The following DGLUCY variants were observed in gnomAD, a reference collection of about 807,000 sequenced individuals.
DGLUCY encodes D-glutamate cyclase, mitochondrial.
DGLUCY carries 58 observed loss-of-function variants against 58.5 expected under a neutral mutation model. The ratio of observed to expected loss-of-function variants is 0.99; its 90% CI spans 0.80 to 1.23. The LOEUF (loss-of-function observed/expected upper bound fraction) is 1.23. DGLUCY is among the 50% of genes most tolerant of loss of function. The pLI, the probability that DGLUCY is intolerant of heterozygous loss-of-function variation, is 0.00. For synonymous variants in DGLUCY, 325 were observed against 314.1 expected, an observed-to-expected ratio of 1.03 and a Z score of -0.37; for missense variants, 779 against 784.7, an observed-to-expected ratio of 0.99 and a Z score of 0.09.
intron 1 of DGLUCY, among the ~76,000 whole-genome samples, chr14:91,136,697 G>A (rs778366784): frequency 1.9e-4 from 29 of 149,250 alleles, no homozygotes; most frequent in Non-Finnish European, 3.7e-4. Context: ...AAAAAGGCAC[G>A]GTGGCTCGCG....
At chr14:91,070,912 A>C (rs1009646325) in intron 1 of DGLUCY, among the ~76,000 whole-genome samples, 1 of 152,222 alleles carries the variant, frequency 6.6e-6, no homozygotes, top group Non-Finnish European at 1.5e-5. Context: ...TCAATAACAA[A>C]GTACATCAGA....
chr14:91,176,231 A>C (rs1335984897), intron 7 of DGLUCY, among the ~76,000 whole-genome samples, 175 bp downstream of exon 7: 2 of 151,964 alleles, frequency 1.3e-5, no homozygotes, highest in Admixed American at 1.3e-4. Context: ...TCTTTTATTT[A>C]TTTATTTTTT....
At chr14:91,176,180 A>C in intron 7 of DGLUCY, 124 bp downstream of exon 7, 2 of 1,122,658 alleles carry the variant, frequency 1.8e-6, no homozygotes, top group Non-Finnish European at 2.4e-6. Context: ...AAAACACAAA[A>C]CAGAGGCCTA....
At chr14:91,154,500 A>G (rs1337942679) in intron 1 of DGLUCY, among the ~76,000 whole-genome samples, 1 of 152,180 alleles carries the variant, frequency 6.6e-6, no homozygotes, top group Non-Finnish European at 1.5e-5. Flanking sequence ...GTGAAATTCA[A>G]TAGAACTGTT....
intron 1 of DGLUCY, among the ~76,000 whole-genome samples, chr14:91,100,015 A>G (rs972460490): frequency 1.3e-5 from 2 of 148,576 alleles, no homozygotes; most frequent in African/African-American, 5.0e-5. Context: ...AGATCACGCC[A>G]TTACACTCCA....
chr14:91,115,794 A>G (rs375085164), intron 1 of DGLUCY, among the ~76,000 whole-genome samples: 1 of 152,154 alleles, frequency 6.6e-6, no homozygotes, highest in Non-Finnish European at 1.5e-5. Flanking sequence ...GACATGTTTT[A>G]TTTGTAAGAG....
intron 1 of DGLUCY, among the ~76,000 whole-genome samples, chr14:91,068,069 ACACG>A (rs2043852979): frequency 2.0e-5 from 2 of 102,154 alleles, no homozygotes; most frequent in African/African-American, 8.0e-5. Context: ...GCACACACAC[ACACG>A]CGCACGCACA....
At chr14:91,143,056 A>G (rs1336559250) in intron 1 of DGLUCY, among the ~76,000 whole-genome samples, 2 of 149,028 alleles carry the variant, frequency 1.3e-5, no homozygotes, top group African/African-American at 4.9e-5. Context: ...AAAAGGATCT[A>G]ATGGCAGTTT....
chr14:91,094,621 G>A (rs557698758), intron 1 of DGLUCY, among the ~76,000 whole-genome samples: 10 of 151,932 alleles, frequency 6.6e-5, no homozygotes, highest in African/African-American at 2.2e-4. Flanking sequence ...TCAGGAGTTC[G>A]AGACCAGTCT....
Position 91,188,594 on chromosome 14 carries a change from G to C in DGLUCY, c.935-316G>C, listed in dbSNP as rs370442474. On this transcript the variant is annotated intron_variant, in intron 8 of 13. Transcript: ENST00000256324. ...TAATCCCAGCACTTTGGGAGGCCAA[G>C]GTGGGAAGATTGCTTGAGCCCGGGA... Among the ~76,000 whole-genome samples the C allele has an allele frequency of 1.1e-4, 16 of 152,348 alleles. 1 individual carries two copies. The East Asian group carries it at 2.7e-3, about 26-fold the overall frequency.
At chr14:91,220,571 A>G (rs775112396) in intron 13 of DGLUCY, 5 of 456,228 alleles carry the variant, frequency 1.1e-5, no homozygotes, top group Admixed American at 2.3e-5. Context: ...TGGGGCCTCC[A>G]GATGCCATGT....
intron 7 of DGLUCY, among the ~76,000 whole-genome samples, chr14:91,176,836 A>C (rs1029852572): frequency 5.3e-5 from 8 of 152,116 alleles, no homozygotes; most frequent in African/African-American, 1.9e-4. Flanking sequence ...TCCTGGCCTC[A>C]AGTGATCCTC....
intron 1 of DGLUCY, among the ~76,000 whole-genome samples, chr14:91,133,031 CG>C (rs2140209389): frequency 6.6e-6 from 1 of 152,082 alleles, no homozygotes; most frequent in African/African-American, 2.4e-5. Context: ...CGGTAGCTCA[CG>C]CCTGTAATCC....
intron 1 of DGLUCY, among the ~76,000 whole-genome samples, chr14:91,143,070 CA>C (rs1435351836): frequency 6.9e-6 from 1 of 144,438 alleles, no homozygotes. Context: ...GCAGTTTTGG[CA>C]GTTCTTTTTT....
chr14:91,206,814 C>T (rs1036971333), intron 12 of DGLUCY, among the ~76,000 whole-genome samples: 7 of 151,978 alleles, frequency 4.6e-5, no homozygotes, highest in South Asian at 2.1e-4. Flanking sequence ...TCAGAAATGA[C>T]GGGATTATCA....
intron 12 of DGLUCY, among the ~76,000 whole-genome samples, chr14:91,214,739 A>T (rs192732419): frequency 6.6e-6 from 1 of 152,196 alleles, no homozygotes; most frequent in Non-Finnish European, 1.5e-5. Context: ...AATCCCAGCT[A>T]CTTGGGAGAC....
chr14:91,077,915 C>T (rs1018193236), intron 1 of DGLUCY, among the ~76,000 whole-genome samples: 23 of 150,470 alleles, frequency 1.5e-4, no homozygotes, highest in Non-Finnish European at 3.4e-4. Flanking sequence ...ATCATATTAA[C>T]TAACTGAAAT....
chr14:91,082,846 T>C (rs955509965), intron 1 of DGLUCY, among the ~76,000 whole-genome samples: 3 of 152,130 alleles, frequency 2.0e-5, no homozygotes, highest in Non-Finnish European at 4.4e-5. Flanking sequence ...CTCGACCTCC[T>C]GGGCTCAAGC....
chr14:91,188,052 G>C (rs753907643), intron 8 of DGLUCY, among the ~76,000 whole-genome samples: 4 of 152,072 alleles, frequency 2.6e-5, no homozygotes, highest in Non-Finnish European at 5.9e-5. Context: ...AGAAGCCCCG[G>C]GATGCTTTGC....
Sources: allele counts gnomAD v4.1 joint callset (sites outside exome capture counted in the v4.1 genomes callset), GRCh38; gene constraint gnomAD v4.1.1; transcripts MANE v1.5; gene names NCBI Gene and HGNC (gene_info 2026-07-23, HGNC 2026-07-21).